MCTP1: variants seen among roughly 807,000 people sequenced by gnomAD.
MCTP1 encodes multiple C2 and transmembrane domain containing 1.
In MCTP1, 69 loss-of-function variants were observed where a neutral mutation model predicts 120.6. The ratio of observed to expected loss-of-function variants is 0.57; its 90% CI spans 0.47 to 0.70. The LOEUF (loss-of-function observed/expected upper bound fraction) is 0.70, where lower values mean the gene tolerates loss of function less well. MCTP1 is among the 30% of genes least tolerant of loss of function. MCTP1 has a pLI of 0.00. For synonymous variants in MCTP1, 529 were observed against 493.1 expected (o/e 1.07, Z -0.96); for missense variants, 1,203 against 1,248.8 (o/e 0.96, Z 0.55).
intron 2 of MCTP1, among the ~76,000 whole-genome samples, chr5:95,012,332 T>TTTATAGGTA (rs1836167887): frequency 3.3e-5 from 5 of 152,146 alleles, no homozygotes; most frequent in African/African-American, 1.2e-4. Flanking sequence ...TCCTGGTATA[T>TTTATAGGTA]CATTAAGTAG....
Position 94,917,966 on chromosome 5 carries a change from C to G in MCTP1, c.1280G>C (p.Gly427Ala). 1 of 1,613,470 alleles carries G rather than the reference C, an allele frequency of 6.2e-7. No homozygotes were observed. The highest frequency in any genetic ancestry group is 2.2e-5 in the East Asian group (1 of 44,874). The change falls in exon 8 of 23, where the codon GGC becomes GCC. Residue 427 changes from glycine to alanine, a missense_variant. Gly to Ala is a moderately conservative substitution (Grantham distance 60). This residue lies in a region of MCTP1 where 740 missense variants were observed against 871.1 expected (regional missense o/e 0.85). Coordinates refer to ENST00000515393, the MANE Select transcript of MCTP1 (RefSeq NM_024717.7). ...GCCCAGGACAGGAAGAGCTGGCCTG[C>G]CGCACGTCTGGATGGAAATGAATGA... ...SVKSLFWRTC[G>A]RPALPVLGFC...
chr5:95,141,519 C>T (rs541176346), intron 1 of MCTP1, among the ~76,000 whole-genome samples: 76 of 152,226 alleles, frequency 5.0e-4, no homozygotes, highest in Non-Finnish European at 1.6e-4. Context: ...GAGAGTTTGG[C>T]TATTTTTTGA....
intron 17 of MCTP1, among the ~76,000 whole-genome samples, chr5:94,853,057 C>T (rs1055071053): frequency 6.6e-6 from 1 of 151,902 alleles, no homozygotes; most frequent in African/African-American, 2.4e-5. Context: ...TCACTTGTCA[C>T]AAACCAATAA....
rs1195862999 is a variant in MCTP1 at position 94,874,203 on chromosome 5, ATAT to A, written c.1934-965_1934-963del. ...TAGACTACATAAGAGGTTAATGTGC[ATAT>A]TATTAACTTTAATGATAAAGAATAA... On this transcript the variant is annotated intron_variant, in intron 12 of 22. Coordinates refer to ENST00000515393, the MANE Select transcript of MCTP1 (RefSeq NM_024717.7). Among the ~76,000 whole-genome samples the A allele has an allele frequency of 4.6e-5, 7 of 152,250 alleles. No homozygotes were observed. The South Asian group carries it at 1.5e-3, about 32-fold the overall frequency.
chr5:94,754,011 C>G (rs975558376), intron 19 of MCTP1, among the ~76,000 whole-genome samples: 1 of 152,058 alleles, frequency 6.6e-6, no homozygotes, highest in Non-Finnish European at 1.5e-5. Context: ...AGAAATCGCT[C>G]TTAGATGATT....
intron 1 of MCTP1, among the ~76,000 whole-genome samples, chr5:95,162,710 C>T (rs1012997746): frequency 1.3e-5 from 2 of 152,192 alleles, no homozygotes; most frequent in African/African-American, 4.8e-5. Context: ...ACTTTCATTT[C>T]TCCCAGCTTC....
At chr5:95,052,765 C>T (rs569143950) in intron 1 of MCTP1, among the ~76,000 whole-genome samples, 16 of 152,210 alleles carry the variant, frequency 1.1e-4, no homozygotes, top group African/African-American at 2.9e-4. Flanking sequence ...CCAGGTTAAA[C>T]CTATGATCCT....
chr5:94,896,061 T>C (rs1408991012), intron 10 of MCTP1, among the ~76,000 whole-genome samples: 1 of 152,180 alleles, frequency 6.6e-6, no homozygotes, highest in Non-Finnish European at 1.5e-5. Flanking sequence ...TCCAAGGTAC[T>C]CTCATGCTGT....
chr5:95,184,983 A>G (rs977379196), intron 1 of MCTP1, among the ~76,000 whole-genome samples: 2 of 152,154 alleles, frequency 1.3e-5, no homozygotes, highest in Admixed American at 1.3e-4. Context: ...TGATCCCCGA[A>G]TGCTCAGGGA....
chr5:94,863,851 C>G (rs950020071), intron 17 of MCTP1, among the ~76,000 whole-genome samples: 1 of 151,160 alleles, frequency 6.6e-6, no homozygotes, highest in Non-Finnish European at 1.5e-5. Context: ...TTTGGCTATA[C>G]AGAGCTGCCT....
intron 17 of MCTP1, among the ~76,000 whole-genome samples, chr5:94,819,052 T>C (rs927094056): frequency 2.0e-5 from 3 of 152,116 alleles, no homozygotes; most frequent in Admixed American, 6.6e-5. Flanking sequence ...TTTACCCAGT[T>C]ACATAAAGCA....
At chr5:94,863,317 C>T (rs995756748) in intron 17 of MCTP1, among the ~76,000 whole-genome samples, 7 of 151,720 alleles carry the variant, frequency 4.6e-5, no homozygotes, top group Non-Finnish European at 7.4e-5. Context: ...ACATTTCTAA[C>T]GTTTCTGCTA....
At chr5:94,903,641 A>G (rs1238959385) in intron 10 of MCTP1, among the ~76,000 whole-genome samples, 4 of 152,226 alleles carry the variant, frequency 2.6e-5, no homozygotes, top group Non-Finnish European at 4.4e-5. Flanking sequence ...TCAAGCGTAC[A>G]TTGGTAGCAT....
chr5:95,244,531 T>TA (rs1044511343), intron 1 of MCTP1, among the ~76,000 whole-genome samples: 2 of 152,254 alleles, frequency 1.3e-5, no homozygotes, highest in Non-Finnish European at 2.9e-5. Flanking sequence ...GATACCCTCC[T>TA]ATGCCTGGCT....
At chr5:95,267,363 A>C (rs937709482) in intron 1 of MCTP1, among the ~76,000 whole-genome samples, 1 of 152,104 alleles carries the variant, frequency 6.6e-6, no homozygotes, top group African/African-American at 2.4e-5. Context: ...TCTAATTTTC[A>C]TCTCTACCTA....
At chr5:94,966,966 C>T (rs1213745210) in intron 2 of MCTP1, among the ~76,000 whole-genome samples, 1 of 152,162 alleles carries the variant, frequency 6.6e-6, no homozygotes, top group East Asian at 1.9e-4. Flanking sequence ...TAGGAATGAT[C>T]ATTTTACAAA....
chr5:94,826,771 GCTTTTTTTTT>G, intron 17 of MCTP1: 1 of 52,552 alleles, frequency 1.9e-5, no homozygotes. Flanking sequence ...TGTGACCCCT[GCTTTTTTTTT>G]TTTTTTTTTT....
intron 1 of MCTP1, among the ~76,000 whole-genome samples, chr5:95,037,819 G>A (rs1328688860): frequency 2.6e-5 from 4 of 152,114 alleles, no homozygotes; most frequent in Non-Finnish European, 4.4e-5. Context: ...GCAGTGAGCA[G>A]AGTTCACGCC....
chr5:94,759,243 G>T (rs1437643369), intron 19 of MCTP1, among the ~76,000 whole-genome samples: 1 of 152,118 alleles, frequency 6.6e-6, no homozygotes, highest in Non-Finnish European at 1.5e-5. Context: ...CCCGAGAAAA[G>T]ACATCACGTA....
Sources: gnomAD v4.1 joint callset for allele counts (sites outside exome capture counted in the v4.1 genomes callset) on GRCh38, gnomAD v4.1.1 for gene constraint, gnomAD v4.1.1 regional missense constraint, MANE v1.5 for transcripts, NCBI Gene and HGNC (gene_info 2026-07-23, HGNC 2026-07-21) for gene names.